PCDHA3: variants seen among roughly 807,000 people sequenced by gnomAD.
PCDHA3 encodes the protein protocadherin alpha-3.
Under a neutral mutation model 62.2 loss-of-function variants are expected in PCDHA3, and 41 were observed. That is an observed-to-expected ratio of 0.66 (90% confidence interval 0.51 to 0.86). The LOEUF is 0.86. Ranked by LOEUF, PCDHA3 falls within the 40% of genes least tolerant of loss-of-function variation. The probability of loss-of-function intolerance (pLI) is 0.00; values close to 1 mark genes in which losing one functional copy is unlikely to be tolerated. For missense variants in PCDHA3, 1,304 were observed against 1,241.2 expected (o/e 1.05, Z -0.76); for synonymous variants, 640 against 555.4 (o/e 1.15, Z -2.14).
At chr5:140,863,377 G>T (rs782482597) in intron 1 of PCDHA3, 6 of 1,100,624 alleles carry the variant, frequency 5.5e-6, no homozygotes, top group Non-Finnish European at 7.9e-6. Context: ...GCAGCTCACC[G>T]AGAGCTCGTG....
At chr5:140,851,140 G>A in intron 1 of PCDHA3, 2 of 1,310,362 alleles carry the variant, frequency 1.5e-6, no homozygotes, top group East Asian at 5.4e-5. Context: ...TGATTAAAGT[G>A]ACATTGAATT....
At chr5:140,946,516 C>T (rs551838143) in intron 1 of PCDHA3, among the ~76,000 whole-genome samples, 42 of 151,130 alleles carry the variant, frequency 2.8e-4, no homozygotes, top group African/African-American at 8.3e-4. Flanking sequence ...AAGACCTATC[C>T]GCACTCCCAT....
chr5:140,945,430 T>C (rs1389561787), intron 1 of PCDHA3, among the ~76,000 whole-genome samples: 2 of 152,082 alleles, frequency 1.3e-5, no homozygotes, highest in African/African-American at 4.8e-5. Flanking sequence ...ATGAAGTTTT[T>C]ACAGAAATAT....
intron 1 of PCDHA3, chr5:140,828,761 G>T (rs1769927024): frequency 1.9e-6 from 3 of 1,614,218 alleles, no homozygotes; most frequent in Middle Eastern, 1.6e-4. Flanking sequence ...TGAGCTCACA[G>T]GCACTGTTCA....
intron 3 of PCDHA3, among the ~76,000 whole-genome samples, chr5:140,992,954 C>G (rs1174073844): frequency 6.6e-6 from 1 of 152,190 alleles, no homozygotes; most frequent in Non-Finnish European, 1.5e-5. Context: ...TTAAATCACC[C>G]CTTATACTGC....
intron 1 of PCDHA3, among the ~76,000 whole-genome samples, chr5:140,944,406 C>T (rs1003379783): frequency 2.0e-5 from 3 of 152,084 alleles, no homozygotes; most frequent in Non-Finnish European, 2.9e-5. Flanking sequence ...AGGCTGGTCT[C>T]GAACTCCTGA....
chr5:140,923,459 G>T (rs549692824), intron 1 of PCDHA3, among the ~76,000 whole-genome samples: 6 of 152,192 alleles, frequency 3.9e-5, no homozygotes, highest in Admixed American at 3.9e-4. Flanking sequence ...GCCCAGAGAG[G>T]TAGGGGCTGC....
At chr5:141,005,095 A>T (rs1554259887) in intron 3 of PCDHA3, among the ~76,000 whole-genome samples, 1 of 152,192 alleles carries the variant, frequency 6.6e-6, no homozygotes, top group South Asian at 2.1e-4. Flanking sequence ...CTTTACATGC[A>T]TTACATCATT....
chr5:140,883,731 C>A, intron 1 of PCDHA3: 1 of 1,613,446 alleles, frequency 6.2e-7, no homozygotes, highest in Non-Finnish European at 8.5e-7. Flanking sequence ...CAGGAGAACG[C>A]GCTGGTCTCC....
At chr5:140,982,417 GA>G (rs1554244117) in intron 2 of PCDHA3, 57 bp from the exon 3 acceptor site, 1 of 1,610,428 alleles carries the variant, frequency 6.2e-7, no homozygotes, top group African/African-American at 1.3e-5. Flanking sequence ...GAGGGTGGAA[GA>G]AGAGATGGGA....
chr5:140,898,358 A>T (rs2153460143), intron 1 of PCDHA3, among the ~76,000 whole-genome samples: 1 of 152,260 alleles, frequency 6.6e-6, no homozygotes, highest in Non-Finnish European at 1.5e-5. Flanking sequence ...TCTTGAATTA[A>T]TTTTTGTATA....
intron 3 of PCDHA3, among the ~76,000 whole-genome samples, chr5:140,985,179 C>T (rs1056430017): frequency 5.9e-5 from 9 of 152,132 alleles, no homozygotes; most frequent in African/African-American, 1.9e-4. Flanking sequence ...CCTCGTAATC[C>T]GCCTGCCTCG....
chr5:140,874,318 T>A (rs1169216245), intron 1 of PCDHA3, among the ~76,000 whole-genome samples: 1 of 151,782 alleles, frequency 6.6e-6, no homozygotes, highest in African/African-American at 2.4e-5. Context: ...AGTTGTAGGA[T>A]CTTATCTGTT....
intron 1 of PCDHA3, chr5:140,843,852 T>C: frequency 2.1e-6 from 2 of 964,906 alleles, no homozygotes; most frequent in Non-Finnish European, 3.1e-6. Flanking sequence ...AAACCTTTTA[T>C]AATTAATTGA....
In PCDHA3 at chr5:140,843,548, A is replaced by G. The variant is rs2150362453; in HGVS notation, c.2394+39957A>G. ...GGGCAAGCCCACTCTGGTGTGCTCC[A>G]GTGCGGTGGGGAGCTGGTCATACTC... On this transcript the variant is annotated intron_variant, in intron 1 of 3. Coordinates refer to ENST00000522353, the MANE Select transcript of PCDHA3 (RefSeq NM_018906.3). 4 of 1,595,966 alleles carry G rather than the reference A, an allele frequency of 2.5e-6. 1 individual carries two copies. The South Asian group carries it at 4.4e-5, about 18-fold the overall frequency.
intron 1 of PCDHA3, among the ~76,000 whole-genome samples, chr5:140,891,837 G>T (rs563744812): frequency 2.9e-4 from 44 of 152,264 alleles, no homozygotes; most frequent in Admixed American, 1.9e-3. Flanking sequence ...AAAAGGACTT[G>T]ATGGAAGGAG....
At position 140,802,965 on chromosome 5, in the gene PCDHA3, G is replaced by T. The variant is rs577958641; in HGVS notation, c.1768G>T (p.Val590Leu). ...LVPRSVGAGH[V>L]VAKVRAVDAD... ...GCCGCGGTCAGTGGGTGCGGGCCAC[G>T]TGGTAGCGAAGGTGCGCGCAGTGGA... The change falls in exon 1 of 4, where the codon GTG becomes TTG. Residue 590 changes from valine to leucine, a missense_variant. Coordinates refer to ENST00000522353, the MANE Select transcript of PCDHA3 (RefSeq NM_018906.3). The T allele has an allele frequency of 6.2e-7, 1 of 1,613,874 alleles. No individual in the cohort carries two copies. The highest frequency in any genetic ancestry group is 1.3e-5 in the African/African-American group (1 of 74,944).
In PCDHA3 at chr5:140,803,435, G is replaced by GAGCT; in HGVS notation, c.2239_2242dup (p.Trp748Ter). ...CGCTGGTGTGCTCCAGCGCGGTGGG[G>GAGCT]AGCTGGTCATACTCGCAGCAGAGGC... On this transcript the variant is annotated frameshift_variant, in exon 1 of 4. Transcript: ENST00000522353. LOFTEE classifies it high-confidence loss of function. 1 of 1,614,210 alleles carries GAGCT rather than the reference G, an allele frequency of 6.2e-7. No individual in the cohort carries two copies. The highest frequency in any genetic ancestry group is 1.1e-5 in the South Asian group (1 of 91,080).
At chr5:140,875,262 C>T (rs2055382922) in intron 1 of PCDHA3, 1 of 1,157,372 alleles carries the variant, frequency 8.6e-7, no homozygotes, top group Admixed American at 3.0e-5. Flanking sequence ...CATGATGTCG[C>T]TCTACACTCA....
Sources: allele counts gnomAD v4.1 joint callset (sites outside exome capture counted in the v4.1 genomes callset), GRCh38; gene constraint gnomAD v4.1.1; transcripts MANE v1.5; gene names NCBI Gene and HGNC (gene_info 2026-07-23, HGNC 2026-07-21).